The following RPRML variants were observed in gnomAD, a reference collection of about 807,000 sequenced individuals.
The protein encoded by RPRML is reprimo-like protein.
A neutral mutation model predicts 5.2 loss-of-function variants in RPRML; 4 were observed. The observed-to-expected ratio is 0.77, with a 90% CI of 0.38 to 1.76. RPRML has a LOEUF of 1.76. Among genes scored for constraint, RPRML ranks in the 40% most tolerant of loss-of-function variants. The pLI is 0.04. For synonymous variants in RPRML, 79 were observed against 89.1 expected (o/e 0.89, Z 0.64); for missense variants, 181 against 177.7 (o/e 1.02, Z -0.11).
Position 46,978,650 on chromosome 17 carries a change from A to G in RPRML, c.358T>C (p.Tyr120His), listed in dbSNP as rs1397427404. 1 of 1,603,132 alleles carries G rather than the reference A, an allele frequency of 6.2e-7. No homozygotes were observed. Among genetic ancestry groups the G allele is most frequent in the East Asian group, 2.3e-5 (1 of 44,376 alleles). ...AGGGCGGACCCAGATGGCGCTCAGT[A>G]CAGCCCCAGGATGGCTGCGCCCACG... ...KDVGAAILGLY is the reference protein window; with the variant it reads ...KDVGAAILGLH Residue 120 changes from tyrosine to histidine, a missense_variant, in exon 1 of 1, where the codon TAC becomes CAC. Coordinates refer to ENST00000322329, the MANE Select transcript of RPRML (RefSeq NM_203400.5).
Position 46,978,680 on chromosome 17 carries a change from T to C in RPRML, c.328A>G (p.Lys110Glu). ...NFLVQERRPS[K>E]DVGAAILGLY ...CCCAGGATGGCTGCGCCCACGTCCT[T>C]GGAGGGCCGGCGCTCCTGCACCAGA... Residue 110 changes from lysine to glutamate, a missense_variant, in exon 1 of 1, where the codon AAG becomes GAG. Physicochemically the swap from Lys to Glu is moderately conservative, Grantham distance 56. Coordinates refer to ENST00000322329, the MANE Select transcript of RPRML (RefSeq NM_203400.5). The C allele has an allele frequency of 1.2e-6, 2 of 1,610,402 alleles. No individual in the cohort carries two copies. Among genetic ancestry groups the C allele is most frequent in the Non-Finnish European group, 1.7e-6 (2 of 1,178,786 alleles).
Position 46,978,458 on chromosome 17 carries a change from G to C in RPRML, c.*187C>G, listed in dbSNP as rs996403903. ...CCCCGCAACGCTGCAGCGCACACAG[G>C]ACAGAGCCGGGCGTCCAAGTCCCTT... On this transcript the variant is annotated 3_prime_UTR_variant, in exon 1 of 1. Transcript: ENST00000322329. 1.3e-5 allele frequency: 8 copies of C among 618,378 alleles called. No individual in the cohort carries two copies. The highest frequency in any genetic ancestry group is 9.9e-5 in the African/African-American group (5 of 50,514). 38.3% of individuals were successfully genotyped at this position (618,378 alleles called of 1,614,324 possible).
Position 46,978,706 on chromosome 17 carries a change from A to T in RPRML, c.302T>A (p.Phe101Tyr), listed in dbSNP as rs1469438529. 6.2e-7 allele frequency: 1 copy of T among 1,612,036 alleles called. No homozygotes were observed. The highest frequency in any genetic ancestry group is 1.1e-5 in the South Asian group (1 of 90,820). Reference sequence around the variant, plus strand: ...GGAGGGCCGGCGCTCCTGCACCAGAAAGTTGATCATGCTCTCGGACTTGAT... The same window carrying T: ...GGAGGGCCGGCGCTCCTGCACCAGATAGTTGATCATGCTCTCGGACTTGAT... Reference protein sequence around the residue: ...LLIKSESMINFLVQERRPSKD... With the variant: ...LLIKSESMINYLVQERRPSKD... Residue 101 changes from phenylalanine to tyrosine, a missense_variant, in exon 1 of 1, where the codon TTT becomes TAT. Phe to Tyr is a conservative substitution (Grantham distance 22). Coordinates refer to ENST00000322329, the MANE Select transcript of RPRML (RefSeq NM_203400.5).
chr17:46,978,504 C>A lies in RPRML; in HGVS notation c.*141G>T. On this transcript the variant is annotated 3_prime_UTR_variant, in exon 1 of 1. Transcript: ENST00000322329. ...CCCTTCCCGCGCCCCCGCCGACAGT[C>A]TCGCCGCGTCCCCGCCCGGGCGCCC... 9.8e-7 allele frequency: 1 copy of A among 1,018,556 alleles called. No individual in the cohort carries two copies. The highest frequency in any genetic ancestry group is 3.1e-5 in the Admixed American group (1 of 31,948). The allele number at this position is 1,018,556 out of a possible 1,614,324, so 63.1% of individuals were successfully genotyped here. A position where few individuals can be genotyped will look rare whatever the true frequency, so the allele number is the denominator to read the frequency against.
Position 46,979,210 on chromosome 17 carries a change from C to T in RPRML, c.-203G>A. On this transcript the variant is annotated 5_prime_UTR_variant, in exon 1 of 1. Transcript: ENST00000322329. ...GGCGGGAAGCGACCGCCCGGAGGAG[C>T]GAGCAACAGGCGGCGCAGGAGCTGG... The T allele has an allele frequency of 2.2e-6, 1 of 450,604 alleles. No individual in the cohort carries two copies. Among genetic ancestry groups the T allele is most frequent in the Non-Finnish European group, 3.9e-6 (1 of 259,526 alleles). The allele number at this position is 450,604 out of a possible 1,614,324, so 27.9% of individuals were successfully genotyped here.
In RPRML at chr17:46,978,802, TGCGCCACCC is replaced by T. The variant is rs1473812877; in HGVS notation, c.197_205del (p.Arg66_Ala68del). ...CGACAGCACGCAGAGCACGGCGATC[TGCGCCACCC>T]GCGACACCCACAGGCTGCGCTCGTC... is the stretch of plus-strand genomic sequence containing the variant. On this transcript the variant is annotated inframe_deletion, in exon 1 of 1. Coordinates refer to ENST00000322329, the MANE Select transcript of RPRML (RefSeq NM_203400.5). 1 of 1,611,214 alleles carries T rather than the reference TGCGCCACCC, an allele frequency of 6.2e-7. No individual in the cohort carries two copies. The highest frequency in any genetic ancestry group is 8.5e-7 in the Non-Finnish European group (1 of 1,179,130).
rs900181508 is a variant in RPRML, at chr17:46,978,585, G to A, written c.*60C>T. ...GGCAGAGCGCAGAGAGCGGGGCGAG[G>A]GTCCGGGTCTCCGGGGTCCTTCTTG... On this transcript the variant is annotated 3_prime_UTR_variant, in exon 1 of 1. Transcript: ENST00000322329. 248 of 1,525,212 alleles carry A rather than the reference G, an allele frequency of 1.6e-4. 1 individual carries two copies. Among genetic ancestry groups the A allele is most frequent in the Non-Finnish European group, 2.0e-4 (231 of 1,137,672 alleles). 94.5% of individuals were successfully genotyped at this position (1,525,212 alleles called of 1,614,324 possible).
chr17:46,978,586 G>A lies in RPRML; in HGVS notation c.*59C>T. The A allele has an allele frequency of 2.6e-6, 4 of 1,527,548 alleles. No homozygotes were observed. Among genetic ancestry groups the A allele is most frequent in the Non-Finnish European group, 3.5e-6 (4 of 1,138,430 alleles). The allele number at this position is 1,527,548 out of a possible 1,614,324, so 94.6% of individuals were successfully genotyped here. Reference sequence around the variant, plus strand: ...GCAGAGCGCAGAGAGCGGGGCGAGGGTCCGGGTCTCCGGGGTCCTTCTTGC... The same window carrying A: ...GCAGAGCGCAGAGAGCGGGGCGAGGATCCGGGTCTCCGGGGTCCTTCTTGC... On this transcript the variant is annotated 3_prime_UTR_variant, in exon 1 of 1. Transcript: ENST00000322329.
Position 46,978,850 on chromosome 17 carries a change from G to T in RPRML, c.158C>A (p.Ala53Glu), listed in dbSNP as rs1471783897. ...GCTGCGCTCGTCGGGCGCCAGCCCC[G>T]CGGGGACCCCGTCGCTGGCGGCCAG... ...APLAASDGVP[A>E]GLAPDERSLW... Residue 53 changes from alanine (A) to glutamate (E), a missense_variant, in exon 1 of 1, where the codon GCG (alanine) becomes GAG (glutamate). Ala to Glu is a moderately radical substitution (Grantham distance 107). Transcript: ENST00000322329. 6.3e-7 allele frequency: 1 copy of T among 1,594,528 alleles called. No homozygotes were observed. Among genetic ancestry groups the T allele is most frequent in the Non-Finnish European group, 8.5e-7 (1 of 1,172,580 alleles).
chr17:46,979,000 G>C lies in RPRML; in HGVS notation c.8C>G (p.Ala3Gly). The change falls in exon 1 of 1, where the codon GCG becomes GGG. Residue 3 changes from alanine (A) to glycine (G), a missense_variant. By Grantham distance (60) the Ala-to-Gly change is moderately conservative (BLOSUM62 0). Coordinates refer to ENST00000322329, the MANE Select transcript of RPRML (RefSeq NM_203400.5). ...CAAGCCGCTGTGGTTCAGGAAGGTC[G>C]CGTTCATCGCCGCGCGGCGCCGGGG... MN[A>G]TFLNHSGLEE... The C allele has an allele frequency of 7.1e-7, 1 of 1,413,446 alleles. No individual in the cohort carries two copies. 87.6% of individuals were successfully genotyped at this position (1,413,446 alleles called of 1,614,324 possible).
chr17:46,978,521 C>T lies in RPRML; in HGVS notation c.*124G>A. On this transcript the variant is annotated 3_prime_UTR_variant, in exon 1 of 1. Coordinates refer to ENST00000322329, the MANE Select transcript of RPRML (RefSeq NM_203400.5). ...CCGACAGTCTCGCCGCGTCCCCGCCCGGGCGCCCCAGGCACGTAGCTGCCC... is the reference window on the plus strand; with the variant it reads ...CCGACAGTCTCGCCGCGTCCCCGCCTGGGCGCCCCAGGCACGTAGCTGCCC... 6 of 1,223,152 alleles carry T rather than the reference C, an allele frequency of 4.9e-6. No individual in the cohort carries two copies. Among genetic ancestry groups the T allele is most frequent in the Middle Eastern group, 2.7e-4 (1 of 3,692 alleles). The allele number at this position is 1,223,152 out of a possible 1,614,324, so 75.8% of individuals were successfully genotyped here.
Position 46,978,235 on chromosome 17 carries a change from A to G in RPRML, c.*410T>C, listed in dbSNP as rs72628342. The G allele has an allele frequency of 8.0e-4, 173 of 215,958 alleles. 1 individual carries two copies. In the East Asian group the frequency reaches 0.017, roughly 21 times the overall value. The allele number at this position is 215,958 out of a possible 1,614,324, so 13.4% of individuals were successfully genotyped here. On this transcript the variant is annotated 3_prime_UTR_variant, in exon 1 of 1. Coordinates refer to ENST00000322329, the MANE Select transcript of RPRML (RefSeq NM_203400.5). ...AACGCAAGATCAGGCCAACAAGCTC[A>G]GCGACTCTGACGCTTCACATCTTCA...
chr17:46,979,237 G>T lies in RPRML; in HGVS notation c.-230C>A. ...AGCAACAGGCGGCGCAGGAGCTGGAGCCGGAGAACCTAGTGTGCTTAGCGG... is the reference window on the plus strand; with the variant it reads ...AGCAACAGGCGGCGCAGGAGCTGGATCCGGAGAACCTAGTGTGCTTAGCGG... On this transcript the variant is annotated 5_prime_UTR_variant, in exon 1 of 1. Coordinates refer to ENST00000322329, the MANE Select transcript of RPRML (RefSeq NM_203400.5). 4.9e-6 allele frequency: 2 copies of T among 411,656 alleles called. No individual in the cohort carries two copies. Among genetic ancestry groups the T allele is most frequent in the Non-Finnish European group, 8.7e-6 (2 of 229,368 alleles). The allele number at this position is 411,656 out of a possible 1,614,324, so 25.5% of individuals were successfully genotyped here.
Position 46,979,134 on chromosome 17 carries a change from G to A in RPRML, c.-127C>T, listed in dbSNP as rs2091471043. 1.9e-6 allele frequency: 2 copies of A among 1,051,532 alleles called. No homozygotes were observed. Among genetic ancestry groups the A allele is most frequent in the Non-Finnish European group, 1.2e-6 (1 of 803,880 alleles). The allele number at this position is 1,051,532 out of a possible 1,614,324, so 65.1% of individuals were successfully genotyped here. On this transcript the variant is annotated 5_prime_UTR_variant, in exon 1 of 1. Coordinates refer to ENST00000322329, the MANE Select transcript of RPRML (RefSeq NM_203400.5). The stretch of plus-strand genomic sequence containing the variant: ...CCTGCGGTACGGGGAGGGGACGAAG[G>A]CGGGAGGCTGGCTGCCTGCGCGCTC...
Position 46,978,378 on chromosome 17 carries a change from T to TA in RPRML, c.*266dup. On this transcript the variant is annotated 3_prime_UTR_variant, in exon 1 of 1. Coordinates refer to ENST00000322329, the MANE Select transcript of RPRML (RefSeq NM_203400.5). ...CACTCCCACCCTGCCCCGAACGTCT[T>TA]AAAAAACAAACAAACAAAAAAAACT... The TA allele has an allele frequency of 2.5e-6, 1 of 393,814 alleles. No individual in the cohort carries two copies. Among genetic ancestry groups the TA allele is most frequent in the Non-Finnish European group, 4.3e-6 (1 of 232,272 alleles). The allele number at this position is 393,814 out of a possible 1,614,324, so 24.4% of individuals were successfully genotyped here. A position where few individuals can be genotyped will look rare whatever the true frequency, so the allele number is the denominator to read the frequency against.
rs572620058 is a variant in RPRML at position 46,978,560 on chromosome 17, G to GGCAGAGC, written c.*78_*84dup. 19 of 1,455,714 alleles carry GGCAGAGC rather than the reference G, an allele frequency of 1.3e-5. No individual in the cohort carries two copies. The highest frequency in any genetic ancestry group is 1.5e-5 in the Non-Finnish European group (17 of 1,096,986). 90.2% of individuals were successfully genotyped at this position (1,455,714 alleles called of 1,614,324 possible). ...ACGTAGCTGCCCGCCCGGAGGCGGC[G>GGCAGAGC]GCAGAGCGCAGAGAGCGGGGCGAGG... is the stretch of plus-strand genomic sequence containing the variant. On this transcript the variant is annotated 3_prime_UTR_variant, in exon 1 of 1. Transcript: ENST00000322329.
chr17:46,978,305 CA>C lies in RPRML; in HGVS notation c.*339del. 1 of 341,858 alleles carries C rather than the reference CA, an allele frequency of 2.9e-6. No individual in the cohort carries two copies. Among genetic ancestry groups the C allele is most frequent in the Non-Finnish European group, 5.3e-6 (1 of 189,394 alleles). The allele number at this position is 341,858 out of a possible 1,614,324, so 21.2% of individuals were successfully genotyped here. The stretch of plus-strand genomic sequence containing the variant: ...GAACCCACCCGCACCAACGTACACA[CA>C]AAACTCCCACGCGAGCGACCGCAGT... On this transcript the variant is annotated 3_prime_UTR_variant, in exon 1 of 1. Coordinates refer to ENST00000322329, the MANE Select transcript of RPRML (RefSeq NM_203400.5).
At position 46,979,153 on chromosome 17, in the gene RPRML, C is replaced by A; in HGVS notation, c.-146G>T. 1.1e-6 allele frequency: 1 copy of A among 902,422 alleles called. No individual in the cohort carries two copies. The highest frequency in any genetic ancestry group is 3.5e-5 in the South Asian group (1 of 28,296). 55.9% of individuals were successfully genotyped at this position (902,422 alleles called of 1,614,324 possible). ...ACGAAGGCGGGAGGCTGGCTGCCTG[C>A]GCGCTCTCGGGCCGCCTACCCCTGG... On this transcript the variant is annotated 5_prime_UTR_variant, in exon 1 of 1. Transcript: ENST00000322329.
In RPRML at chr17:46,978,404, G is replaced by T. The variant is rs2091463141; in HGVS notation, c.*241C>A. On this transcript the variant is annotated 3_prime_UTR_variant, in exon 1 of 1. Transcript: ENST00000322329. Reference sequence around the variant, plus strand: ...AAAAAACAAACAAACAAAAAAAACTGGTAAGAACCCTCACCCCACATTCTC... The same window carrying T: ...AAAAAACAAACAAACAAAAAAAACTTGTAAGAACCCTCACCCCACATTCTC... 2.1e-6 allele frequency: 1 copy of T among 471,856 alleles called. No individual in the cohort carries two copies. 29.2% of individuals were successfully genotyped at this position (471,856 alleles called of 1,614,324 possible).
Sources: allele counts gnomAD v4.1 joint callset, GRCh38; gene constraint gnomAD v4.1.1; transcripts MANE v1.5; gene names NCBI Gene and HGNC (gene_info 2026-07-23, HGNC 2026-07-21).